CDON: variants seen among roughly 807,000 people sequenced by gnomAD.
The protein encoded by CDON is cell adhesion molecule-related/down-regulated by oncogenes.
CDON carries 73 observed loss-of-function variants against 120.9 expected under a neutral mutation model. The observed-to-expected ratio is 0.60, with a 90% CI of 0.50 to 0.73. The LOEUF (loss-of-function observed/expected upper bound fraction) is 0.73. CDON is among the 30% of genes least tolerant of loss of function. The probability of loss-of-function intolerance (pLI) is 0.00; values close to 1 mark genes in which losing one functional copy is unlikely to be tolerated. For synonymous variants in CDON, 566 were observed against 573.5 expected, an observed-to-expected ratio of 0.99 and a Z score of 0.19; for missense variants, 1,470 against 1,587.3, an observed-to-expected ratio of 0.93 and a Z score of 1.26.
intron 11 of CDON, among the ~76,000 whole-genome samples, chr11:126,000,504 C>T (rs538709314): frequency 2.0e-4 from 30 of 152,312 alleles, no homozygotes; most frequent in African/African-American, 7.2e-4. Flanking sequence ...CACTGTGCAC[C>T]ACCATGCTAG....
At position 125,981,346 on chromosome 11, in the gene CDON, A is replaced by T; in HGVS notation, c.2996-17T>A. ...GGTCATATTCTGTTAAAAGAGAACA[A>T]AAAAGACACACACGCACACACACAC... On this transcript the variant is annotated splice_polypyrimidine_tract_variant and intron_variant, in intron 16 of 19. Transcript: ENST00000531738. 2 of 1,608,062 alleles carry T rather than the reference A, an allele frequency of 1.2e-6. No homozygotes were observed.
intron 1 of CDON, among the ~76,000 whole-genome samples, chr11:126,045,220 G>T (rs1002467025): frequency 5.3e-5 from 8 of 152,166 alleles, no homozygotes; most frequent in Non-Finnish European, 4.4e-5. Flanking sequence ...TAGAGACGGA[G>T]TTTCACCATG....
rs1250423109 is a variant in CDON, at chr11:126,011,370, C to T, written c.1199-676G>A. Among the ~76,000 whole-genome samples, 3 of 152,328 alleles carry T rather than the reference C, an allele frequency of 2.0e-5. No individual in the cohort carries two copies. In the East Asian group the frequency reaches 5.8e-4, roughly 29 times the overall value. On this transcript the variant is annotated intron_variant, in intron 7 of 19. Coordinates refer to ENST00000531738, the MANE Select transcript of CDON (RefSeq NM_001378964.1). ...TCTGTCTTTTTCTCCAGTCCTCCTT[C>T]CCATGTCTGACAAAACCAACCAACA... is the stretch of plus-strand genomic sequence containing the variant.
rs519781 is a variant in CDON at position 125,983,664 on chromosome 11, T to C, written c.2995+208A>G. ...TGCTTAGTTTTGGCTTTGGTGTTTATGTCTGCTGGGCAATTTAATTTGATG... is the reference window on the plus strand; with the variant it reads ...TGCTTAGTTTTGGCTTTGGTGTTTACGTCTGCTGGGCAATTTAATTTGATG... On this transcript the variant is annotated intron_variant, in intron 16 of 19. Transcript: ENST00000531738. Among the ~76,000 whole-genome samples, 74,229 of 152,058 alleles carry C rather than the reference T, an allele frequency of 0.49. 18,337 individuals carry two copies. Among genetic ancestry groups the C allele is most frequent in the Non-Finnish European group, 0.53 (35,695 of 67,962 alleles).
intron 1 of CDON, among the ~76,000 whole-genome samples, chr11:126,049,919 A>G (rs1181872164): frequency 6.6e-6 from 1 of 152,180 alleles, no homozygotes; most frequent in Non-Finnish European, 1.5e-5. Context: ...ACTTCTTTAC[A>G]TATAATTGGA....
chr11:125,962,648 AT>A (rs1023636510), intron 18 of CDON, among the ~76,000 whole-genome samples: 18 of 151,928 alleles, frequency 1.2e-4, no homozygotes, highest in African/African-American at 4.8e-5. Flanking sequence ...GTTTTCTTTA[AT>A]TTTTTTCTTT....
At chr11:126,028,227 T>C (rs1378185756) in intron 1 of CDON, among the ~76,000 whole-genome samples, 3 of 152,000 alleles carry the variant, frequency 2.0e-5, no homozygotes, top group African/African-American at 4.8e-5. Context: ...TCGCCACCTA[T>C]AGATAGCATG....
chr11:126,058,591 A>G (rs1210739764), intron 1 of CDON, among the ~76,000 whole-genome samples: 1 of 152,222 alleles, frequency 6.6e-6, no homozygotes, highest in African/African-American at 2.4e-5. Flanking sequence ...ACACGACTTT[A>G]CTTGGAAACA....
At chr11:125,976,162 T>C (rs766361177) in intron 18 of CDON, among the ~76,000 whole-genome samples, 5 of 152,228 alleles carry the variant, frequency 3.3e-5, no homozygotes, top group Admixed American at 6.5e-5. Context: ...TGTAAGATCT[T>C]AAGAGGAGAT....
intron 12 of CDON, among the ~76,000 whole-genome samples, chr11:125,996,675 A>G (rs146065848): frequency 0.33 from 42,582 of 128,314 alleles, 6,840 homozygotes; most frequent in South Asian, 0.38. Flanking sequence ...ACTCCGGCCT[A>G]GGCGACAGAG....
At chr11:125,971,199 C>G (rs988594214) in intron 18 of CDON, among the ~76,000 whole-genome samples, 1 of 152,024 alleles carries the variant, frequency 6.6e-6, no homozygotes, top group Non-Finnish European at 1.5e-5. Context: ...CTGGCTAACA[C>G]AGTGAAACCC....
intron 1 of CDON, among the ~76,000 whole-genome samples, chr11:126,048,774 G>C (rs1237685560): frequency 6.6e-6 from 1 of 152,060 alleles, no homozygotes. Flanking sequence ...GGCAGTCTCA[G>C]CTCACTGCCA....
upstream of CDON, among the ~76,000 whole-genome samples, chr11:126,062,980 A>G (rs1948843082): frequency 6.6e-6 from 1 of 151,308 alleles, no homozygotes; most frequent in Admixed American, 6.6e-5. Flanking sequence ...GGACCGGGGA[A>G]TGACTGACGG....
intron 1 of CDON, among the ~76,000 whole-genome samples, chr11:126,042,372 G>A (rs1948284776): frequency 6.6e-6 from 1 of 152,178 alleles, no homozygotes; most frequent in Non-Finnish European, 1.5e-5. Flanking sequence ...TGGGTCACCT[G>A]TAAGTGGCAA....
chr11:125,997,251 A>G lies in CDON; in HGVS notation c.2318T>C (p.Ile773Thr). Residue 773 changes from isoleucine (I) to threonine (T), a missense_variant, in exon 12 of 20, where the codon ATC becomes ACC. Ile to Thr is a moderately conservative substitution (Grantham distance 89). Transcript: ENST00000531738. ...TSNWLVAAED[I>T]PPSKLSVEVR... is the part of the protein sequence containing the mutation. ...TTCCACTGAAAGTTTGGAAGGAGGG[A>G]TGTCTTCAGCTGCCACCAGCCAATT... 9.9e-6 allele frequency: 16 copies of G among 1,614,116 alleles called. No homozygotes were observed. Among genetic ancestry groups the G allele is most frequent in the Non-Finnish European group, 1.2e-5 (14 of 1,179,984 alleles).
At chr11:126,046,507 A>T (rs959878713) in intron 1 of CDON, among the ~76,000 whole-genome samples, 1 of 89,186 alleles carries the variant, frequency 1.1e-5, no homozygotes, top group African/African-American at 5.8e-5. Context: ...TATCTAAATA[A>T]TATTTTTAAA....
chr11:126,032,914 G>A (rs1440097769), intron 1 of CDON, among the ~76,000 whole-genome samples: 1 of 152,110 alleles, frequency 6.6e-6, no homozygotes, highest in East Asian at 1.9e-4. Context: ...AGGATGAGGT[G>A]GGAGGATCCC....
chr11:126,010,659 C>A lies in CDON; in HGVS notation c.1234G>T (p.Val412Leu), dbSNP rs1410111649. 3 of 1,614,164 alleles carry A rather than the reference C, an allele frequency of 1.9e-6. No individual in the cohort carries two copies. Among genetic ancestry groups the A allele is most frequent in the South Asian group, 2.2e-5 (2 of 91,084 alleles). ...GFKPVIITAPVSAKVADGDFV... is the reference protein window; with the variant it reads ...GFKPVIITAPLSAKVADGDFV... ...TCTCCGTCTGCAACCTTTGCACTTACTGGTGCCGTAATTATAACTGGCTTG... is the reference window on the plus strand; with the variant it reads ...TCTCCGTCTGCAACCTTTGCACTTAATGGTGCCGTAATTATAACTGGCTTG... The change falls in exon 8 of 20, where the codon GTA (valine) becomes TTA (leucine). Residue 412 changes from valine to leucine, a missense_variant. Val to Leu is a conservative substitution (Grantham distance 32, BLOSUM62 1). Coordinates refer to ENST00000531738, the MANE Select transcript of CDON (RefSeq NM_001378964.1).
intron 4 of CDON, among the ~76,000 whole-genome samples, chr11:126,019,082 A>G (rs1947553626): frequency 1.3e-5 from 2 of 152,188 alleles, no homozygotes; most frequent in Admixed American, 1.3e-4. Flanking sequence ...CACTGGTCAC[A>G]TGGTGTTCCT....
Sources: gnomAD v4.1 joint callset for allele counts (sites outside exome capture counted in the v4.1 genomes callset) on GRCh38, gnomAD v4.1.1 for gene constraint, MANE v1.5 for transcripts, NCBI Gene and HGNC (gene_info 2026-07-23, HGNC 2026-07-21) for gene names.